CCDC39: variants seen among roughly 807,000 people sequenced by gnomAD.
CCDC39 encodes coiled-coil domain-containing protein 39.
CCDC39 carries 113 observed loss-of-function variants against 121.0 expected under a neutral mutation model. The ratio of observed to expected loss-of-function variants is 0.93; its 90% confidence interval spans 0.80 to 1.09. The LOEUF (loss-of-function observed/expected upper bound fraction) is 1.09, where lower values mean the gene tolerates loss of function less well. Among genes scored for constraint, CCDC39 ranks in the 50% least tolerant of loss-of-function variants. The pLI, the probability that CCDC39 is intolerant of heterozygous loss-of-function variation, is 0.00. For missense variants in CCDC39, 1,063 were observed against 1,074.7 expected, an observed-to-expected ratio of 0.99 and a Z score of 0.15; for synonymous variants, 349 against 352.2, an observed-to-expected ratio of 0.99 and a Z score of 0.10.
chr3:180,640,104 G>A (rs562475425), intron 13 of CCDC39, among the ~76,000 whole-genome samples: 121 of 152,192 alleles, frequency 8.0e-4, no homozygotes, highest in African/African-American at 2.8e-3. Context: ...GGGGTACAAA[G>A]AAACTTGTGG....
chr3:180,639,667 AC>A (rs1392051079), intron 13 of CCDC39, among the ~76,000 whole-genome samples: 1 of 152,072 alleles, frequency 6.6e-6, no homozygotes, highest in African/African-American at 2.4e-5. Context: ...AAAGGACTAT[AC>A]TTTGAGTACA....
chr3:180,626,063 G>A lies in CCDC39; in HGVS notation c.1998+5406C>T, dbSNP rs770695573. On this transcript the variant is annotated intron_variant, in intron 14 of 19. Transcript: ENST00000476379. ...GTGTGATGCAGGTAATGGCAGTAGCGGTGGTAAAGCAACTCACTGGAACCC... is the reference window on the plus strand; with the variant it reads ...GTGTGATGCAGGTAATGGCAGTAGCAGTGGTAAAGCAACTCACTGGAACCC... Among the ~76,000 whole-genome samples, 35 of 152,116 alleles carry A rather than the reference G, an allele frequency of 2.3e-4. 1 individual carries two copies. The highest frequency in any genetic ancestry group is 3.3e-4 in the Admixed American group (5 of 15,272).
chr3:180,670,417 G>GAA (rs1277197378), intron 1 of CCDC39, among the ~76,000 whole-genome samples: 2 of 151,832 alleles, frequency 1.3e-5, no homozygotes, highest in Non-Finnish European at 2.9e-5. Flanking sequence ...AGGCAAAGAA[G>GAA]AAAAGAAAGG....
At position 180,679,479 on chromosome 3, in the gene CCDC39, C is replaced by A; in HGVS notation, c.-99G>T. ...AAGCCCAGGCACCTGCACAGTGCCG[C>A]GGCAATTGCCGGGGGAGCCCTAGCA... On this transcript the variant is annotated 5_prime_UTR_variant, in exon 1 of 20. Transcript: ENST00000476379. This position sits in a 1 kb window ranked among gnomAD's most constrained non-coding sequence, Gnocchi z 4.0. 4 of 1,114,788 alleles carry A rather than the reference C, an allele frequency of 3.6e-6. No individual in the cohort carries two copies. Among genetic ancestry groups the A allele is most frequent in the Non-Finnish European group, 5.5e-6 (4 of 725,810 alleles). The allele number at this position is 1,114,788 out of a possible 1,614,324, so 69.1% of individuals were successfully genotyped here.
Position 180,660,571 on chromosome 3 carries a change from C to G in CCDC39, c.515G>C (p.Arg172Thr). 6.4e-7 allele frequency: 1 copy of G among 1,570,728 alleles called. No individual in the cohort carries two copies. The highest frequency in any genetic ancestry group is 8.7e-7 in the Non-Finnish European group (1 of 1,153,742). ...CAGTTACAATTTGTAATTTCTCACCCTGATTTTATTATCATCTTGTTGTGC... is the reference window on the plus strand; with the variant it reads ...CAGTTACAATTTGTAATTTCTCACCGTGATTTTATTATCATCTTGTTGTGC... ...KYAQQDDNKIRALTLQLERLT... is the reference protein window; with the variant it reads ...KYAQQDDNKITALTLQLERLT... The change falls in exon 4 of 20, where the codon AGG becomes ACG. Residue 172 changes from arginine to threonine, a missense_variant and splice_region_variant. Arg to Thr is a moderately conservative substitution (Grantham distance 71). Transcript: ENST00000476379.
intron 13 of CCDC39, among the ~76,000 whole-genome samples, chr3:180,641,302 A>G (rs568327910): frequency 6.6e-6 from 1 of 152,246 alleles, no homozygotes; most frequent in African/African-American, 2.4e-5. Flanking sequence ...AAAAAATAGA[A>G]ATAAACTACA....
Position 180,631,571 on chromosome 3 carries a change from T to G in CCDC39, c.1896A>C (p.Leu632=). The change falls in exon 14 of 20, where the codon CTA becomes CTC. Residue 632 remains leucine, a synonymous_variant. Coordinates refer to ENST00000476379, the MANE Select transcript of CCDC39 (RefSeq NM_181426.2). ...TATTCTTCAGCTTCTCAATTTTACT[T>G]AGCCGCTCGCGAAACTCAGTGCTAA... The part of the protein sequence containing the change: ...ENISTEFRER[L]SKIEKLKNRY... 1.9e-6 allele frequency: 3 copies of G among 1,608,274 alleles called. No homozygotes were observed. Among genetic ancestry groups the G allele is most frequent in the Non-Finnish European group, 2.5e-6 (3 of 1,179,208 alleles).
At chr3:180,615,597 TTA>T (rs1717200825) in intron 19 of CCDC39, among the ~76,000 whole-genome samples, 1 of 152,156 alleles carries the variant, frequency 6.6e-6, no homozygotes, top group African/African-American at 2.4e-5. Context: ...AAACAGTTTT[TTA>T]TACTTAAATG....
chr3:180,637,822 G>A (rs1717867247), intron 13 of CCDC39, among the ~76,000 whole-genome samples: 1 of 152,086 alleles, frequency 6.6e-6, no homozygotes, highest in African/African-American at 2.4e-5. Context: ...GCAAACTAAT[G>A]CAGGAACAGA....
Position 180,642,159 on chromosome 3 carries a change from G to A in CCDC39, c.1708C>T (p.Arg570Cys). The A allele has an allele frequency of 6.2e-7, 1 of 1,608,466 alleles. No individual in the cohort carries two copies. Among genetic ancestry groups the A allele is most frequent in the Non-Finnish European group, 8.5e-7 (1 of 1,176,778 alleles). ...TTACTGTGAAGCATTTCTCGAGTAC[G>A]CTTAACTTCAAGTTTTAAAAGATTG... is the stretch of plus-strand genomic sequence containing the variant. ...EDNLLKLEVK[R>C]TREMLHSKAE... The change falls in exon 13 of 20, where the codon CGT becomes TGT. Residue 570 changes from arginine to cysteine, a missense_variant. By Grantham distance (180) the Arg-to-Cys change is radical (BLOSUM62 -3). Transcript: ENST00000476379.
At chr3:180,625,131 C>T (rs1396573561) in intron 14 of CCDC39, among the ~76,000 whole-genome samples, 1 of 152,046 alleles carries the variant, frequency 6.6e-6, no homozygotes, top group Non-Finnish European at 1.5e-5. Flanking sequence ...AAACTTATTT[C>T]TCTCTCTTAC....
intron 14 of CCDC39, among the ~76,000 whole-genome samples, chr3:180,624,228 A>T (rs768150228): frequency 1.4e-3 from 208 of 152,268 alleles, no homozygotes; most frequent in Non-Finnish European, 2.5e-3. Context: ...ATCTAATATA[A>T]GTAAAGCTAC....
intron 11 of CCDC39, among the ~76,000 whole-genome samples, chr3:180,645,714 C>T (rs1350008944): frequency 6.6e-6 from 1 of 152,120 alleles, no homozygotes; most frequent in East Asian, 1.9e-4. Flanking sequence ...TCTGTTGCTA[C>T]TATTGAAAAG....
chr3:180,636,288 CT>C (rs1398016774), intron 13 of CCDC39, among the ~76,000 whole-genome samples: 1 of 152,158 alleles, frequency 6.6e-6, no homozygotes, highest in Non-Finnish European at 1.5e-5. Flanking sequence ...ATAAAAATTA[CT>C]AGCATTCCTA....
intron 3 of CCDC39, among the ~76,000 whole-genome samples, chr3:180,661,003 G>C (rs1347439301): frequency 1.3e-5 from 2 of 151,888 alleles, no homozygotes; most frequent in Non-Finnish European, 2.9e-5. Flanking sequence ...AAGCCTTTAG[G>C]CTTTAAGGTA....
chr3:180,654,050 T>C (rs2108425863), intron 7 of CCDC39, among the ~76,000 whole-genome samples: 1 of 144,932 alleles, frequency 6.9e-6, no homozygotes, highest in East Asian at 2.0e-4. Flanking sequence ...CTGACTGTAC[T>C]GGCAAAAAAA....
chr3:180,616,717 T>C, intron 17 of CCDC39, 22 bp from the exon 18 acceptor site: 2 of 1,579,316 alleles, frequency 1.3e-6, no homozygotes, highest in Non-Finnish European at 8.6e-7. Context: ...TAATAGTCAA[T>C]TATTCTATAA....
Position 180,679,475 on chromosome 3 carries a change from G to T in CCDC39, c.-95C>A. The stretch of plus-strand genomic sequence containing the variant: ...CGTCAAGCCCAGGCACCTGCACAGT[G>T]CCGCGGCAATTGCCGGGGGAGCCCT... On this transcript the variant is annotated 5_prime_UTR_variant, in exon 1 of 20. Transcript: ENST00000476379. This position sits in a 1 kb window ranked among gnomAD's most constrained non-coding sequence, Gnocchi z 4.0. 1 of 1,185,670 alleles carries T rather than the reference G, an allele frequency of 8.4e-7. No homozygotes were observed. Among genetic ancestry groups the T allele is most frequent in the Non-Finnish European group, 1.3e-6 (1 of 790,360 alleles). 73.4% of individuals were successfully genotyped at this position (1,185,670 alleles called of 1,614,324 possible).
chr3:180,647,342 G>A (rs1718097770), intron 10 of CCDC39, 99 bp from the exon 11 acceptor site: 2 of 991,696 alleles, frequency 2.0e-6, no homozygotes, highest in Admixed American at 3.0e-5. Flanking sequence ...TTTGGACTAG[G>A]CATTATCATG....
Sources: gnomAD v4.1 joint callset for allele counts (sites outside exome capture counted in the v4.1 genomes callset) on GRCh38, gnomAD v4.1.1 for gene constraint, Gnocchi (gnomAD v3.1) non-coding constraint, MANE v1.5 for transcripts, NCBI Gene and HGNC (gene_info 2026-07-23, HGNC 2026-07-21) for gene names.